Variants in NAALADL2 observed in about 807,000 individuals in gnomAD.
NAALADL2 encodes the protein inactive N-acetylated-alpha-linked acidic dipeptidase-like protein 2.
In NAALADL2, 76 loss-of-function variants were observed where a neutral mutation model predicts 87.2. That is an observed-to-expected ratio of 0.87 (90% confidence interval 0.72 to 1.05). The LOEUF (loss-of-function observed/expected upper bound fraction) is 1.05. Among genes scored for constraint, NAALADL2 ranks in the 50% least tolerant of loss-of-function variants. The pLI is 0.00. For missense variants in NAALADL2, 1,089 were observed against 945.8 expected, an observed-to-expected ratio of 1.15 and a Z score of -1.99; for synonymous variants, 354 against 331.0, an observed-to-expected ratio of 1.07 and a Z score of -0.75.
chr3:174,804,375 T>C lies in NAALADL2; in HGVS notation c.-9+66629T>C, dbSNP rs142495065. Among the ~76,000 whole-genome samples, 373 of 152,236 alleles carry C rather than the reference T, an allele frequency of 2.5e-3. 2 individuals carry two copies. The highest frequency in any genetic ancestry group is 8.6e-3 in the African/African-American group (359 of 41,558). ...CTTAAGGAGATTTTGTGCTGAGACATTGGGGTTTTCTAAATATACTATCAT... is the reference window on the plus strand; with the variant it reads ...CTTAAGGAGATTTTGTGCTGAGACACTGGGGTTTTCTAAATATACTATCAT... On this transcript the variant is annotated intron_variant, in intron 3 of 3. Transcript: ENST00000434257.
chr3:175,449,718 T>G (rs1274352978), intron 6 of NAALADL2, among the ~76,000 whole-genome samples: 6 of 152,130 alleles, frequency 3.9e-5, no homozygotes, highest in African/African-American at 1.4e-4. Context: ...ATATGCAGAA[T>G]AATGTCCTTG....
intron 1 of NAALADL2, among the ~76,000 whole-genome samples, chr3:174,446,595 G>A (rs1360816949): frequency 3.9e-5 from 6 of 152,094 alleles, no homozygotes; most frequent in Admixed American, 3.9e-4. Flanking sequence ...GTGTGTATGT[G>A]TGTATTTTCA....
chr3:175,265,382 CAAAT>C (rs1560258155), intron 4 of NAALADL2, among the ~76,000 whole-genome samples: 2 of 151,636 alleles, frequency 1.3e-5, no homozygotes, highest in Admixed American at 6.6e-5. Flanking sequence ...AAGAAACAAA[CAAAT>C]AAATAAACCC....
At chr3:174,876,104 G>A (rs1475560686) in intron 1 of NAALADL2, among the ~76,000 whole-genome samples, 4 of 151,788 alleles carry the variant, frequency 2.6e-5, no homozygotes, top group Non-Finnish European at 1.5e-5. Flanking sequence ...CGTTTTATGT[G>A]ATCAGATGTT....
intron 9 of NAALADL2, among the ~76,000 whole-genome samples, chr3:175,477,341 C>T (rs151316583): frequency 2.0e-5 from 3 of 152,212 alleles, no homozygotes; most frequent in East Asian, 3.9e-4. Context: ...TGCATTAACA[C>T]GTCATGGGTG....
chr3:175,125,294 GT>G (rs1446371198), intron 2 of NAALADL2, among the ~76,000 whole-genome samples: 3 of 151,918 alleles, frequency 2.0e-5, no homozygotes, highest in African/African-American at 4.8e-5. Flanking sequence ...AGTCGAGTTT[GT>G]TTTTTTCTCT....
At chr3:174,989,337 C>T (rs926293731) in intron 1 of NAALADL2, among the ~76,000 whole-genome samples, 2 of 152,130 alleles carry the variant, frequency 1.3e-5, no homozygotes, top group Non-Finnish European at 2.9e-5. Flanking sequence ...GTGCAATTAG[C>T]ATGTAATTGT....
intron 1 of NAALADL2, among the ~76,000 whole-genome samples, chr3:174,936,567 C>T (rs965319846): frequency 1.1e-4 from 17 of 152,042 alleles, no homozygotes; most frequent in African/African-American, 4.1e-4. Context: ...AGTGAAGGCC[C>T]ATCTCAAAAT....
chr3:174,711,842 C>T (rs1334989854), intron 2 of NAALADL2, among the ~76,000 whole-genome samples: 1 of 152,142 alleles, frequency 6.6e-6, no homozygotes, highest in East Asian at 1.9e-4. Context: ...TTCTGTTGCC[C>T]AAGCTGGAGT....
chr3:175,414,880 G>A (rs980809715), intron 5 of NAALADL2, among the ~76,000 whole-genome samples: 4 of 152,134 alleles, frequency 2.6e-5, no homozygotes, highest in Admixed American at 1.3e-4. Context: ...AAAGATATGA[G>A]AAGAAATTTA....
At chr3:175,072,607 T>C (rs1190500310) in intron 1 of NAALADL2, among the ~76,000 whole-genome samples, 2 of 147,920 alleles carry the variant, frequency 1.4e-5, no homozygotes, top group Non-Finnish European at 3.0e-5. Flanking sequence ...GACTTCTCAT[T>C]GTTACATGTA....
At chr3:175,677,292 G>C (rs1734917366) in intron 11 of NAALADL2, among the ~76,000 whole-genome samples, 1 of 152,116 alleles carries the variant, frequency 6.6e-6, no homozygotes, top group Non-Finnish European at 1.5e-5. Flanking sequence ...GAACCCAGGA[G>C]GTGGAGGTTG....
intron 10 of NAALADL2, among the ~76,000 whole-genome samples, chr3:175,588,461 T>A (rs1442394946): frequency 6.6e-6 from 1 of 151,512 alleles, no homozygotes; most frequent in Non-Finnish European, 1.5e-5. Flanking sequence ...AATCTTCAGT[T>A]AAAGAAACAC....
chr3:175,320,555 A>G (rs1759724651), intron 4 of NAALADL2, among the ~76,000 whole-genome samples: 1 of 152,084 alleles, frequency 6.6e-6, no homozygotes, highest in South Asian at 2.1e-4. Context: ...GACAGTGGCT[A>G]TTTTCTAAAC....
chr3:174,979,823 G>T (rs1174820223), intron 1 of NAALADL2, among the ~76,000 whole-genome samples: 1 of 151,968 alleles, frequency 6.6e-6, no homozygotes, highest in Non-Finnish European at 1.5e-5. Context: ...TCTGGCATTT[G>T]GGATTCTATA....
intron 5 of NAALADL2, among the ~76,000 whole-genome samples, chr3:175,438,155 C>T (rs559964583): frequency 2.6e-5 from 4 of 152,130 alleles, no homozygotes; most frequent in African/African-American, 9.6e-5. Flanking sequence ...TCCTTTTATT[C>T]TGAGAATAAT....
intron 1 of NAALADL2, among the ~76,000 whole-genome samples, chr3:174,988,060 G>T (rs745769934): frequency 4.6e-5 from 7 of 151,988 alleles, no homozygotes; most frequent in Non-Finnish European, 7.3e-5. Flanking sequence ...GGTAGTATCA[G>T]TCATGGTTCA....
chr3:175,727,608 T>C (rs1431717774), intron 11 of NAALADL2, among the ~76,000 whole-genome samples: 4 of 152,224 alleles, frequency 2.6e-5, no homozygotes, highest in African/African-American at 9.6e-5. Flanking sequence ...TAGTCTTCAT[T>C]TGAGACTACC....
intron 3 of NAALADL2, among the ~76,000 whole-genome samples, chr3:174,761,916 CAATTGCTTTTGCACCA>C (rs1713028211): frequency 6.6e-6 from 1 of 152,034 alleles, no homozygotes; most frequent in Non-Finnish European, 1.5e-5. Flanking sequence ...GCAAAGCCTG[CAATTGCTTTTGCACCA>C]ACCTAATGTT....
Sources: allele counts gnomAD v4.1 joint callset (sites outside exome capture counted in the v4.1 genomes callset), GRCh38; gene constraint gnomAD v4.1.1; transcripts MANE v1.5; gene names NCBI Gene and HGNC (gene_info 2026-07-23, HGNC 2026-07-21).